EXOC6B: variants seen among roughly 807,000 people sequenced by gnomAD.
EXOC6B encodes the protein exocyst complex component 6B.
EXOC6B carries 54 observed loss-of-function variants against 113.5 expected under a neutral mutation model. The ratio of observed to expected loss-of-function variants is 0.48; its 90% CI spans 0.38 to 0.60. The LOEUF (loss-of-function observed/expected upper bound fraction) is 0.60. EXOC6B is among the 20% of genes least tolerant of loss of function. EXOC6B has a pLI of 0.00. For missense variants in EXOC6B, 797 were observed against 977.5 expected, an observed-to-expected ratio of 0.82 and a Z score of 2.46; for synonymous variants, 357 against 339.0, an observed-to-expected ratio of 1.05 and a Z score of -0.58.
intron 6 of EXOC6B, among the ~76,000 whole-genome samples, chr2:72,671,070 A>G (rs903912881): frequency 1.8e-4 from 28 of 152,338 alleles, no homozygotes; most frequent in African/African-American, 6.5e-4. Context: ...CCAGAAAAAA[A>G]ACATTGGGGA....
chr2:72,624,935 T>C (rs1671959662), intron 6 of EXOC6B, among the ~76,000 whole-genome samples: 4 of 152,084 alleles, frequency 2.6e-5, no homozygotes, highest in Admixed American at 2.6e-4. Context: ...AGTTCAGATT[T>C]GAAATGGACT....
rs113039170 is a variant in EXOC6B, at chr2:72,558,409, C to T, written c.915+1044G>A. On this transcript the variant is annotated intron_variant, in intron 8 of 21. Coordinates refer to ENST00000272427, the MANE Select transcript of EXOC6B (RefSeq NM_015189.3). ...AAAACTACCACAAAATATTTCAGACCATAAAGTCCATAGCTCAGTATCCCA... is the reference window on the plus strand; with the variant it reads ...AAAACTACCACAAAATATTTCAGACTATAAAGTCCATAGCTCAGTATCCCA... 4.3e-3 allele frequency among the ~76,000 whole-genome samples: 653 copies of T among 152,146 alleles called. 5 individuals are homozygous for T. Among genetic ancestry groups the T allele is most frequent in the African/African-American group, 0.015 (605 of 41,496 alleles).
At chr2:72,342,412 G>A (rs1371527814) in intron 19 of EXOC6B, among the ~76,000 whole-genome samples, 1 of 152,058 alleles carries the variant, frequency 6.6e-6, no homozygotes, top group Non-Finnish European at 1.5e-5. Context: ...ACATACAAAT[G>A]ACTATTGGGT....
At chr2:72,222,581 T>C (rs986837736) in intron 20 of EXOC6B, among the ~76,000 whole-genome samples, 1 of 152,148 alleles carries the variant, frequency 6.6e-6, no homozygotes, top group Non-Finnish European at 1.5e-5. Flanking sequence ...AGAGAGCACA[T>C]AACCTTTCTT....
At chr2:72,243,466 C>T (rs1215322018) in intron 20 of EXOC6B, among the ~76,000 whole-genome samples, 1 of 152,072 alleles carries the variant, frequency 6.6e-6, no homozygotes, top group Non-Finnish European at 1.5e-5. Context: ...AGCTGGAAAC[C>T]ATCATTCTGA....
At chr2:72,238,262 AAAT>A (rs1270464240) in intron 20 of EXOC6B, among the ~76,000 whole-genome samples, 1 of 152,192 alleles carries the variant, frequency 6.6e-6, no homozygotes, top group East Asian at 1.9e-4. Context: ...TTTTATTGCT[AAAT>A]AATATTTCAT....
chr2:72,793,335 C>G (rs1684781860), intron 1 of EXOC6B, among the ~76,000 whole-genome samples: 1 of 152,196 alleles, frequency 6.6e-6, no homozygotes, highest in Non-Finnish European at 1.5e-5. Context: ...CATACACACT[C>G]TTTCCTAAAA....
chr2:72,258,325 T>G (rs1683479179), intron 20 of EXOC6B, among the ~76,000 whole-genome samples: 1 of 151,796 alleles, frequency 6.6e-6, no homozygotes, highest in Non-Finnish European at 1.5e-5. Flanking sequence ...GAATAGATGC[T>G]CTATGAATGC....
At chr2:72,444,802 A>T (rs922998808) in intron 18 of EXOC6B, among the ~76,000 whole-genome samples, 6 of 152,208 alleles carry the variant, frequency 3.9e-5, no homozygotes, top group Non-Finnish European at 7.3e-5. Flanking sequence ...CCTTGGGCCC[A>T]GCACATGAAA....
At chr2:72,260,234 T>C (rs1355410285) in intron 20 of EXOC6B, among the ~76,000 whole-genome samples, 1 of 152,060 alleles carries the variant, frequency 6.6e-6, no homozygotes. Flanking sequence ...TGAAGGGAAA[T>C]TGAACTATGT....
rs181226247 is a variant in EXOC6B at position 72,401,636 on chromosome 2, T to C, written c.1981-21766A>G. Among the ~76,000 whole-genome samples, 90 of 47,024 alleles carry C rather than the reference T, an allele frequency of 1.9e-3. 4 individuals carry two copies. In the East Asian group the frequency reaches 0.02, roughly 11 times the overall value. The allele number at this position is 47,024 out of a possible 152,430, so 30.8% of individuals were successfully genotyped here. On this transcript the variant is annotated intron_variant, in intron 18 of 21. Coordinates refer to ENST00000272427, the MANE Select transcript of EXOC6B (RefSeq NM_015189.3). ...ATATATATATACATATATATATATA[T>C]ACATATATACATATATATATATATA...
intron 19 of EXOC6B, among the ~76,000 whole-genome samples, chr2:72,351,707 C>T (rs911968972): frequency 5.3e-5 from 8 of 152,162 alleles, no homozygotes; most frequent in Admixed American, 4.6e-4. Flanking sequence ...CTACTTCTAA[C>T]TGGTTTTTAC....
In EXOC6B at chr2:72,196,753, CT is replaced by C. The variant is rs1679197145; in HGVS notation, c.2197-12567del. On this transcript the variant is annotated intron_variant, in intron 20 of 21. Transcript: ENST00000272427. ...ACCTATAGTGGTGGTATATTTGTTA[CT>C]TCCTTTGTCATTAAGTTCATTTTCC... Among the ~76,000 whole-genome samples the C allele has an allele frequency of 2.6e-5, 4 of 152,280 alleles. No individual in the cohort carries two copies. In the East Asian group the frequency reaches 7.7e-4, roughly 29 times the overall value.
At chr2:72,718,043 C>G (rs1036856724) in intron 6 of EXOC6B, 60 bp downstream of exon 6, 2 of 1,272,604 alleles carry the variant, frequency 1.6e-6, no homozygotes, top group Non-Finnish European at 2.2e-6. Flanking sequence ...AAAGAGAAAC[C>G]TGTGTTTAAC....
intron 20 of EXOC6B, among the ~76,000 whole-genome samples, chr2:72,209,373 C>T (rs141987304): frequency 0.016 from 2,504 of 152,170 alleles, 23 homozygotes; most frequent in Middle Eastern, 0.034. Context: ...CTATCCTGCT[C>T]CAATAAAATC....
intron 8 of EXOC6B, among the ~76,000 whole-genome samples, chr2:72,554,400 A>C (rs555901482): frequency 7.2e-5 from 11 of 152,262 alleles, no homozygotes; most frequent in African/African-American, 2.6e-4. Flanking sequence ...TCAAATTGTA[A>C]TCCCTATGTG....
intron 20 of EXOC6B, among the ~76,000 whole-genome samples, chr2:72,202,648 AT>A (rs147658125): frequency 0.17 from 25,453 of 151,984 alleles, 2,299 homozygotes; most frequent in Non-Finnish European, 0.19. Flanking sequence ...AAAAAAACCT[AT>A]TTTTTTTACC....
At chr2:72,679,074 T>G (rs989149197) in intron 6 of EXOC6B, among the ~76,000 whole-genome samples, 3 of 145,500 alleles carry the variant, frequency 2.1e-5, no homozygotes, top group Non-Finnish European at 3.0e-5. Flanking sequence ...ATATAATCTC[T>G]TTTTTTTTTT....
intron 20 of EXOC6B, among the ~76,000 whole-genome samples, chr2:72,230,780 TG>T (rs1444758138): frequency 2.6e-5 from 4 of 152,150 alleles, no homozygotes; most frequent in Non-Finnish European, 4.4e-5. Flanking sequence ...TAAAGCTAGT[TG>T]TAGGAATTAG....
Sources: gnomAD v4.1 joint callset for allele counts (sites outside exome capture counted in the v4.1 genomes callset) on GRCh38, gnomAD v4.1.1 for gene constraint, MANE v1.5 for transcripts, NCBI Gene and HGNC (gene_info 2026-07-23, HGNC 2026-07-21) for gene names.